The following CPED1 variants were observed in gnomAD, a reference collection of about 807,000 sequenced individuals.
CPED1 encodes the protein cadherin-like and PC-esterase domain-containing protein 1.
CPED1 carries 114 observed loss-of-function variants against 128.2 expected under a neutral mutation model. The ratio of observed to expected loss-of-function variants is 0.89; its 90% CI spans 0.76 to 1.04. CPED1 has a LOEUF of 1.04. Among genes scored for constraint, CPED1 ranks in the 50% least tolerant of loss-of-function variants. The probability of loss-of-function intolerance (pLI) is 0.00; values close to 1 mark genes in which losing one functional copy is unlikely to be tolerated. For missense variants in CPED1, 1,211 were observed against 1,207.1 expected (o/e 1.00, Z -0.05); for synonymous variants, 462 against 426.7 (o/e 1.08, Z -1.02).
In CPED1 at chr7:121,119,738, G is replaced by A. The variant is rs140023266; in HGVS notation, c.919-4593G>A. ...CTTTCTAAGTGTATACTTTAGTAGC[G>A]TTAAGTATTTTTACACTACTGTGCA... On this transcript the variant is annotated intron_variant, in intron 7 of 22. Coordinates refer to ENST00000310396, the MANE Select transcript of CPED1 (RefSeq NM_024913.5). Among the ~76,000 whole-genome samples the A allele has an allele frequency of 3.9e-5, 6 of 152,044 alleles. No homozygotes were observed. The East Asian group carries it at 1.2e-3, about 30-fold the overall frequency.
intron 16 of CPED1, among the ~76,000 whole-genome samples, chr7:121,186,023 T>A (rs1796994295): frequency 6.6e-6 from 1 of 152,218 alleles, no homozygotes; most frequent in Non-Finnish European, 1.5e-5. Flanking sequence ...AATACTATTA[T>A]AATAATTTTT....
At chr7:121,256,123 A>C (rs1791860346) in intron 18 of CPED1, among the ~76,000 whole-genome samples, 1 of 64,230 alleles carries the variant, frequency 1.6e-5, no homozygotes, top group Non-Finnish European at 3.8e-5. Context: ...AAAAAAAAAA[A>C]CAAAACAAAA....
At chr7:121,096,898 C>T (rs190134865) in intron 5 of CPED1, among the ~76,000 whole-genome samples, 8 of 152,122 alleles carry the variant, frequency 5.3e-5, no homozygotes, top group Admixed American at 2.6e-4. Flanking sequence ...TATATAGGTT[C>T]ATGTAGATAC....
rs925092283 is a variant in CPED1, at chr7:121,272,323, T to C, written c.2868+893T>C. Among the ~76,000 whole-genome samples the C allele has an allele frequency of 2.0e-5, 3 of 151,870 alleles. No homozygotes were observed. The East Asian group carries it at 5.8e-4, about 29-fold the overall frequency. On this transcript the variant is annotated intron_variant, in intron 22 of 22. Coordinates refer to ENST00000310396, the MANE Select transcript of CPED1 (RefSeq NM_024913.5). ...GACGGGATGCTAAGGACAAGAAGAG[T>C]CTTATTTGACTAGTACAAGCATAAC...
intron 12 of CPED1, among the ~76,000 whole-genome samples, chr7:121,132,975 A>G (rs1795708495): frequency 6.6e-6 from 1 of 152,110 alleles, no homozygotes. Flanking sequence ...AATATGTCAT[A>G]TTCATCTCTT....
At chr7:121,167,299 T>C (rs1237831902) in intron 16 of CPED1, among the ~76,000 whole-genome samples, 1 of 152,206 alleles carries the variant, frequency 6.6e-6, no homozygotes, top group Non-Finnish European at 1.5e-5. Flanking sequence ...GCAGCCAAGA[T>C]GATGGCAACA....
intron 16 of CPED1, among the ~76,000 whole-genome samples, chr7:121,178,241 A>ATTT (rs1796827401): frequency 6.6e-6 from 1 of 152,118 alleles, no homozygotes. Context: ...ACACCACTGA[A>ATTT]TGAAAAAGCA....
At chr7:121,011,930 T>C (rs937995101) in intron 2 of CPED1, among the ~76,000 whole-genome samples, 1 of 152,178 alleles carries the variant, frequency 6.6e-6, no homozygotes, top group East Asian at 1.9e-4. Context: ...TACATATATT[T>C]AACATAATTT....
chr7:121,291,475 T>G (rs1184680067), intron 22 of CPED1, among the ~76,000 whole-genome samples: 2 of 152,362 alleles, frequency 1.3e-5, no homozygotes, highest in South Asian at 4.1e-4. Context: ...TCTTATTTCC[T>G]TGGGCAGTGG....
At chr7:121,217,710 G>T (rs1350917770) in intron 16 of CPED1, among the ~76,000 whole-genome samples, 1 of 151,990 alleles carries the variant, frequency 6.6e-6, no homozygotes, top group Non-Finnish European at 1.5e-5. Flanking sequence ...ATTCCCATAT[G>T]TTCTTCTTAG....
chr7:121,153,430 C>A (rs539815770), intron 16 of CPED1, among the ~76,000 whole-genome samples: 1 of 152,270 alleles, frequency 6.6e-6, no homozygotes, highest in African/African-American at 2.4e-5. Flanking sequence ...AATTGTCCCT[C>A]CTGAGAACAT....
intron 2 of CPED1, among the ~76,000 whole-genome samples, chr7:120,990,079 A>C (rs906261981): frequency 2.0e-5 from 3 of 152,220 alleles, no homozygotes; most frequent in Non-Finnish European, 4.4e-5. Context: ...GCATTACTTT[A>C]TCTCTTAGGA....
intron 16 of CPED1, among the ~76,000 whole-genome samples, chr7:121,235,658 A>G (rs938849953): frequency 1.3e-5 from 2 of 152,172 alleles, no homozygotes; most frequent in African/African-American, 4.8e-5. Flanking sequence ...TTGTTGTATG[A>G]TAAGTACTGG....
intron 2 of CPED1, among the ~76,000 whole-genome samples, chr7:120,991,727 G>T (rs1796312295): frequency 1.3e-5 from 2 of 152,136 alleles, no homozygotes; most frequent in African/African-American, 4.8e-5. Flanking sequence ...CTGGCTCCTG[G>T]TGTAAAACAT....
chr7:121,131,711 T>C (rs1795675251), intron 12 of CPED1, among the ~76,000 whole-genome samples: 1 of 152,000 alleles, frequency 6.6e-6, no homozygotes, highest in African/African-American at 2.4e-5. Flanking sequence ...TTTTGAGTCA[T>C]AGAGACTATA....
intron 22 of CPED1, among the ~76,000 whole-genome samples, chr7:121,288,512 G>C (rs993288285): frequency 3.9e-5 from 6 of 152,152 alleles, no homozygotes; most frequent in Non-Finnish European, 7.4e-5. Context: ...ACCTTCCATT[G>C]AGATCTGTCA....
At chr7:121,014,559 AAAT>A (rs994787658) in intron 2 of CPED1, among the ~76,000 whole-genome samples, 42 of 148,276 alleles carry the variant, frequency 2.8e-4, no homozygotes, top group African/African-American at 5.4e-4. Context: ...CAAAAAAAAA[AAAT>A]AATAATAATA....
chr7:121,009,606 CAAAAAA>C (rs372071345), intron 2 of CPED1, among the ~76,000 whole-genome samples: 1 of 90,756 alleles, frequency 1.1e-5, no homozygotes, highest in Admixed American at 1.3e-4. Context: ...GCCCCTGTCT[CAAAAAA>C]AAAAAAAAAA....
chr7:121,244,592 A>C (rs116562297), intron 18 of CPED1, among the ~76,000 whole-genome samples: 151 of 152,288 alleles, frequency 9.9e-4, no homozygotes, highest in African/African-American at 3.4e-3. Context: ...TCCTATGCTG[A>C]CCCGATTCCA....
Sources: allele counts gnomAD v4.1 joint callset (sites outside exome capture counted in the v4.1 genomes callset), GRCh38; gene constraint gnomAD v4.1.1; transcripts MANE v1.5; gene names NCBI Gene and HGNC (gene_info 2026-07-23, HGNC 2026-07-21).